The following BTAF1 variants were observed in gnomAD, a reference collection of about 807,000 sequenced individuals.
The protein encoded by BTAF1 is TATA-binding protein-associated factor 172.
Under a neutral mutation model 227.1 loss-of-function variants are expected in BTAF1, and 38 were observed. The ratio of observed to expected loss-of-function variants is 0.17; its 90% confidence interval spans 0.13 to 0.22. The LOEUF (loss-of-function observed/expected upper bound fraction) is 0.22. Ranked by LOEUF, BTAF1 falls within the 10% of genes least tolerant of loss-of-function variation. BTAF1 has a pLI of 1.00. For missense variants in BTAF1, 1,598 were observed against 2,204.0 expected (o/e 0.73, Z 5.51); for synonymous variants, 742 against 751.9 (o/e 0.99, Z 0.21).
rs137973632 is a variant in BTAF1 at position 91,959,240 on chromosome 10, G to C, written c.990+86G>C. The stretch of plus-strand genomic sequence containing the variant: ...TAGGGAAGTAACGAGTATGTGCCGT[G>C]AAGTAGGAATGAGAGGTAAATAAGA... On this transcript the variant is annotated intron_variant, in intron 9 of 37. Transcript: ENST00000265990. The C allele has an allele frequency of 1.4e-4, 224 of 1,593,650 alleles. 2 individuals carry two copies. In the African/African-American group the frequency reaches 2.4e-3, roughly 17 times the overall value.
intron 11 of BTAF1, among the ~76,000 whole-genome samples, chr10:91,961,317 C>T (rs554816127): frequency 4.6e-5 from 7 of 152,336 alleles, no homozygotes; most frequent in African/African-American, 1.7e-4. Flanking sequence ...AGGCATTTCA[C>T]TATCCATTAT....
Position 92,029,269 on chromosome 10 carries a change from A to G in BTAF1, c.*336A>G, listed in dbSNP as rs1030611785. The G allele has an allele frequency of 4.7e-5, 8 of 170,168 alleles. No homozygotes were observed. The highest frequency in any genetic ancestry group is 2.5e-5 in the Non-Finnish European group (2 of 79,996). The allele number at this position is 170,168 out of a possible 1,614,324, so 10.5% of individuals were successfully genotyped here. On this transcript the variant is annotated 3_prime_UTR_variant, in exon 38 of 38. Transcript: ENST00000265990. The stretch of plus-strand genomic sequence containing the variant: ...AGTCACTTTGTACAGGATGATATCC[A>G]TGAGTACTTTAGTGTTTGTATATGT...
Position 92,028,996 on chromosome 10 carries a change from A to C in BTAF1, c.*63A>C. On this transcript the variant is annotated 3_prime_UTR_variant, in exon 38 of 38. Transcript: ENST00000265990. ...TTACATTTCTGCTGATATTCAGCAA[A>C]TTTCTAAGTTTATGGTGAACTTTTA... 3 of 1,460,796 alleles carry C rather than the reference A, an allele frequency of 2.1e-6. No individual in the cohort carries two copies. The highest frequency in any genetic ancestry group is 2.8e-6 in the Non-Finnish European group (3 of 1,084,768). The allele number at this position is 1,460,796 out of a possible 1,614,324, so 90.5% of individuals were successfully genotyped here.
intron 30 of BTAF1, 78 bp from the exon 31 acceptor site, chr10:92,013,589 G>A (rs901474449): frequency 3.9e-5 from 60 of 1,534,498 alleles, no homozygotes; most frequent in Admixed American, 5.1e-5. Context: ...TTATAATAAT[G>A]GGCTTTCATT....
At chr10:92,000,258 A>G (rs1849427988) in intron 25 of BTAF1, among the ~76,000 whole-genome samples, 1 of 152,170 alleles carries the variant, frequency 6.6e-6, no homozygotes, top group Non-Finnish European at 1.5e-5. Context: ...TCCCACCTTT[A>G]AACCAAATGG....
intron 33 of BTAF1, among the ~76,000 whole-genome samples, chr10:92,018,167 T>G (rs746155027): frequency 2.0e-5 from 3 of 152,086 alleles, no homozygotes; most frequent in Non-Finnish European, 4.4e-5. Flanking sequence ...TACTGCAACC[T>G]CCACCTCCAG....
intron 14 of BTAF1, 55 bp from the exon 15 acceptor site, chr10:91,980,399 A>T: frequency 1.6e-6 from 2 of 1,271,516 alleles, no homozygotes; most frequent in Non-Finnish European, 2.3e-6. Flanking sequence ...TTCTTCAGGT[A>T]AGCTAACATC....
chr10:91,996,380 T>C lies in BTAF1; in HGVS notation c.3321T>C (p.His1107=). Residue 1107 remains histidine, a synonymous_variant, in exon 24 of 38, where the codon CAT becomes CAC. Coordinates refer to ENST00000265990, the MANE Select transcript of BTAF1 (RefSeq NM_003972.3). ...CTTTTTGTTTTTAGTTGGTCCAGCATTTGCCACATCTTTATATGTGCCTTC... is the reference window on the plus strand; with the variant it reads ...CTTTTTGTTTTTAGTTGGTCCAGCACTTGCCACATCTTTATATGTGCCTTC... The part of the protein sequence containing the change: ...DSELHPLLVQ[H]LPHLYMCLQY... 1 of 1,614,076 alleles carries C rather than the reference T, an allele frequency of 6.2e-7. No homozygotes were observed. The highest frequency in any genetic ancestry group is 8.5e-7 in the Non-Finnish European group (1 of 1,179,972).
intron 32 of BTAF1, among the ~76,000 whole-genome samples, chr10:92,014,435 C>CA (rs1165213783): frequency 2.6e-5 from 4 of 152,082 alleles, no homozygotes; most frequent in African/African-American, 7.2e-5. Flanking sequence ...CTGTGTTGCC[C>CA]AGGGTGGTCT....
chr10:91,926,797 A>G (rs575249046), intron 1 of BTAF1, among the ~76,000 whole-genome samples: 4 of 152,138 alleles, frequency 2.6e-5, no homozygotes, highest in Admixed American at 6.6e-5. Context: ...TCTCATTTCA[A>G]TCTGTTCTTC....
At chr10:92,001,694 A>C (rs1004485789) in intron 25 of BTAF1, among the ~76,000 whole-genome samples, 5 of 152,132 alleles carry the variant, frequency 3.3e-5, no homozygotes, top group Non-Finnish European at 7.3e-5. Context: ...CAACAACATA[A>C]AACTTCAGAT....
intron 18 of BTAF1, 75 bp from the exon 19 acceptor site, chr10:91,984,126 C>G: frequency 7.6e-7 from 1 of 1,317,732 alleles, no homozygotes; most frequent in Non-Finnish European, 1.1e-6. Context: ...ACTTGGTAGT[C>G]TACAAATGAC....
At chr10:92,023,550 G>A (rs2134174042) in intron 34 of BTAF1, among the ~76,000 whole-genome samples, 1 of 152,192 alleles carries the variant, frequency 6.6e-6, no homozygotes, top group East Asian at 1.9e-4. Flanking sequence ...TGGGCGTGAT[G>A]GCAGGCACCT....
At chr10:92,007,965 A>C (rs1460849071) in intron 25 of BTAF1, among the ~76,000 whole-genome samples, 158 bp from the exon 26 acceptor site, 1 of 152,180 alleles carries the variant, frequency 6.6e-6, no homozygotes, top group East Asian at 1.9e-4. Context: ...TAATTGTAGC[A>C]CCTTTAATGC....
chr10:91,974,813 C>T (rs1475829106), intron 14 of BTAF1, among the ~76,000 whole-genome samples: 1 of 152,110 alleles, frequency 6.6e-6, no homozygotes, highest in African/African-American at 2.4e-5. Flanking sequence ...GAGATTGCAC[C>T]ACTGCACTCC....
intron 14 of BTAF1, among the ~76,000 whole-genome samples, chr10:91,973,920 AAAAG>A (rs1847500917): frequency 6.6e-6 from 1 of 151,526 alleles, no homozygotes; most frequent in African/African-American, 2.4e-5. Flanking sequence ...AAAAAAAAAA[AAAAG>A]AAACTTTCCC....
chr10:91,962,994 G>T lies in BTAF1; in HGVS notation c.1404+316G>T, dbSNP rs12765070. ...TTGTTTTGATTTTAGTTTTTGGATTGTTTTTTTAAATCTAGTCTCCCCTCC... is the reference window on the plus strand; with the variant it reads ...TTGTTTTGATTTTAGTTTTTGGATTTTTTTTTTAAATCTAGTCTCCCCTCC... On this transcript the variant is annotated intron_variant, in intron 12 of 37. Coordinates refer to ENST00000265990, the MANE Select transcript of BTAF1 (RefSeq NM_003972.3). Among the ~76,000 whole-genome samples the T allele has an allele frequency of 0.59, 89,686 of 151,348 alleles. 30,244 individuals are homozygous for T. Among genetic ancestry groups the T allele is most frequent in the East Asian group, 0.77 (3,956 of 5,148 alleles).
At chr10:91,940,207 C>A in intron 3 of BTAF1, 141 bp downstream of exon 3, 1 of 418,002 alleles carries the variant, frequency 2.4e-6, no homozygotes. Context: ...GGAAATGATA[C>A]TGAATAAGGT....
In BTAF1 at chr10:91,992,244, G is replaced by A. The variant is rs1268915729; in HGVS notation, c.2980G>A (p.Val994Ile). 3 of 1,613,316 alleles carry A rather than the reference G, an allele frequency of 1.9e-6. No homozygotes were observed. Among genetic ancestry groups the A allele is most frequent in the Non-Finnish European group, 2.5e-6 (3 of 1,179,868 alleles). Residue 994 changes from valine to isoleucine, a missense_variant, in exon 21 of 38, where the codon GTA becomes ATA. Transcript: ENST00000265990. ...TSRRGPTPKA[V>I]KAQIADLPAG... ...TAGGCGAGGTCCTACCCCCAAAGCA[G>A]TAAAAGCTCAAATAGCAGATCTTCC...
Sources: gnomAD v4.1 joint callset for allele counts (sites outside exome capture counted in the v4.1 genomes callset) on GRCh38, gnomAD v4.1.1 for gene constraint, MANE v1.5 for transcripts, NCBI Gene and HGNC (gene_info 2026-07-23, HGNC 2026-07-21) for gene names.